Variants in DSCAM observed in about 807,000 individuals in gnomAD.
DSCAM encodes the protein cell adhesion molecule DSCAM.
Under a neutral mutation model 217.7 loss-of-function variants are expected in DSCAM, and 47 were observed. The ratio of observed to expected loss-of-function variants is 0.22; its 90% CI spans 0.17 to 0.28. The LOEUF (loss-of-function observed/expected upper bound fraction) is 0.28. Among genes scored for constraint, DSCAM ranks in the 10% least tolerant of loss-of-function variants. The probability of loss-of-function intolerance (pLI) is 1.00; values close to 1 mark genes in which losing one functional copy is unlikely to be tolerated. For missense variants in DSCAM, 2,080 were observed against 2,618.3 expected, an observed-to-expected ratio of 0.79 and a Z score of 4.49; for synonymous variants, 1,056 against 1,015.3, an observed-to-expected ratio of 1.04 and a Z score of -0.76.
At chr21:40,330,310 A>G (rs533420532) in intron 8 of DSCAM, among the ~76,000 whole-genome samples, 1 of 147,120 alleles carries the variant, frequency 6.8e-6, no homozygotes, top group Non-Finnish European at 1.5e-5. Context: ...TTTATATATA[A>G]TAAATTATAT....
chr21:40,441,418 G>A (rs967579498), intron 3 of DSCAM, among the ~76,000 whole-genome samples: 1 of 152,222 alleles, frequency 6.6e-6, no homozygotes, highest in East Asian at 1.9e-4. Context: ...TTGTGACTTA[G>A]TTATCCAAGA....
intron 5 of DSCAM, among the ~76,000 whole-genome samples, chr21:40,351,976 T>G (rs1382174086): frequency 6.6e-6 from 1 of 152,142 alleles, no homozygotes; most frequent in African/African-American, 2.4e-5. Context: ...AGGAATAGGT[T>G]TGTGCAGGGA....
intron 11 of DSCAM, among the ~76,000 whole-genome samples, chr21:40,231,388 G>A (rs1259654433): frequency 6.6e-6 from 1 of 152,072 alleles, no homozygotes; most frequent in Non-Finnish European, 1.5e-5. Context: ...GCCAATCTCT[G>A]TTGTTGTATC....
At chr21:40,503,472 A>G (rs2076185975) in intron 3 of DSCAM, among the ~76,000 whole-genome samples, 1 of 152,180 alleles carries the variant, frequency 6.6e-6, no homozygotes, top group Non-Finnish European at 1.5e-5. Context: ...CTTTATTAAC[A>G]TGCACTTATA....
chr21:40,645,743 A>T (rs2089938549), intron 3 of DSCAM, among the ~76,000 whole-genome samples: 1 of 152,192 alleles, frequency 6.6e-6, no homozygotes. Flanking sequence ...TGGGTCTAAA[A>T]AATCAAGTGG....
intron 9 of DSCAM, among the ~76,000 whole-genome samples, chr21:40,308,563 C>A (rs1027292583): frequency 6.6e-6 from 1 of 152,132 alleles, no homozygotes; most frequent in Non-Finnish European, 1.5e-5. Context: ...TCCTTCAATA[C>A]CCAGTAATCA....
Position 40,712,418 on chromosome 21 carries a change from G to T in DSCAM, c.44-3647C>A, listed in dbSNP as rs997294120. On this transcript the variant is annotated intron_variant, in intron 1 of 32. Transcript: ENST00000400454. ...GCGGAGCTTGCAGTGAGCCGAGATTGCGCCACTGCAGTCCGCAGTCCGACC... is the reference window on the plus strand; with the variant it reads ...GCGGAGCTTGCAGTGAGCCGAGATTTCGCCACTGCAGTCCGCAGTCCGACC... Among the ~76,000 whole-genome samples the T allele has an allele frequency of 2.3e-4, 32 of 140,388 alleles. 1 individual carries two copies. The highest frequency in any genetic ancestry group is 1.5e-4 in the Admixed American group (2 of 13,344). 92.1% of individuals were successfully genotyped at this position (140,388 alleles called of 152,430 possible). A position where few individuals can be genotyped will look rare whatever the true frequency, so the allele number is the denominator to read the frequency against.
chr21:40,475,955 G>A (rs533503933), intron 3 of DSCAM, among the ~76,000 whole-genome samples: 3 of 152,064 alleles, frequency 2.0e-5, no homozygotes, highest in South Asian at 2.1e-4. Context: ...TAGGACATTC[G>A]AACTATCTGT....
At chr21:40,322,932 C>A (rs1406653547) in intron 8 of DSCAM, among the ~76,000 whole-genome samples, 1 of 152,178 alleles carries the variant, frequency 6.6e-6, no homozygotes, top group South Asian at 2.1e-4. Flanking sequence ...TGACCAGATT[C>A]CTTTCAAGAA....
At chr21:40,810,946 G>C (rs2091832665) in intron 1 of DSCAM, among the ~76,000 whole-genome samples, 1 of 152,050 alleles carries the variant, frequency 6.6e-6, no homozygotes, top group South Asian at 2.1e-4. Context: ...TTTTCACTTG[G>C]GGTCATTGTA....
At chr21:40,343,865 T>C (rs1466127041) in intron 6 of DSCAM, among the ~76,000 whole-genome samples, 3 of 150,518 alleles carry the variant, frequency 2.0e-5, no homozygotes, top group Non-Finnish European at 3.0e-5. Context: ...CATTTTATTT[T>C]ATTTTTTATT....
chr21:40,679,247 C>G (rs528706669), intron 3 of DSCAM, among the ~76,000 whole-genome samples: 10 of 152,164 alleles, frequency 6.6e-5, no homozygotes, highest in Non-Finnish European at 1.3e-4. Context: ...GGAAAAGTTT[C>G]TTATTCAAGA....
chr21:40,089,452 C>T lies in DSCAM; in HGVS notation c.3851-2165G>A, dbSNP rs76908813. Among the ~76,000 whole-genome samples, 713 of 152,318 alleles carry T rather than the reference C, an allele frequency of 4.7e-3. 6 individuals are homozygous for T. Among genetic ancestry groups the T allele is most frequent in the African/African-American group, 0.017 (687 of 41,568 alleles). On this transcript the variant is annotated intron_variant, in intron 21 of 32. Coordinates refer to ENST00000400454, the MANE Select transcript of DSCAM (RefSeq NM_001389.5). ...GTCCCGTTTGTTCTCAGCCATGGGG[C>T]CAGGCTCTCTGTGCCTTCGTGTCCT... is the stretch of plus-strand genomic sequence containing the variant.
At chr21:40,028,724 C>T (rs991130607) in intron 32 of DSCAM, among the ~76,000 whole-genome samples, 1 of 152,214 alleles carries the variant, frequency 6.6e-6, no homozygotes, top group Non-Finnish European at 1.5e-5. Context: ...ACAGTGTGCG[C>T]ACCCACTGTC....
chr21:40,321,007 G>A (rs2074253602), intron 8 of DSCAM, among the ~76,000 whole-genome samples: 1 of 152,100 alleles, frequency 6.6e-6, no homozygotes. Flanking sequence ...TAATGAGGGT[G>A]GATATCACAT....
intron 3 of DSCAM, among the ~76,000 whole-genome samples, chr21:40,536,057 T>C (rs1017231043): frequency 2.0e-5 from 3 of 152,216 alleles, no homozygotes; most frequent in Admixed American, 6.5e-5. Context: ...TTACTTTACA[T>C]CACATCTCTG....
At chr21:40,269,646 C>T (rs930872483) in intron 11 of DSCAM, among the ~76,000 whole-genome samples, 10 of 152,168 alleles carry the variant, frequency 6.6e-5, no homozygotes, top group African/African-American at 2.4e-4. Flanking sequence ...GGGCTGGAGT[C>T]CCTCTGAAGT....
At chr21:40,484,468 G>A (rs2076008286) in intron 3 of DSCAM, among the ~76,000 whole-genome samples, 1 of 152,180 alleles carries the variant, frequency 6.6e-6, no homozygotes, top group Non-Finnish European at 1.5e-5. Flanking sequence ...ACAAATCTCT[G>A]TGGATAGAAT....
At chr21:40,723,505 C>A (rs1347928900) in intron 1 of DSCAM, among the ~76,000 whole-genome samples, 1 of 152,202 alleles carries the variant, frequency 6.6e-6, no homozygotes, top group African/African-American at 2.4e-5. Context: ...GTGCACCCCA[C>A]TCCATTGCAA....
Sources: gnomAD v4.1 joint callset for allele counts (sites outside exome capture counted in the v4.1 genomes callset) on GRCh38, gnomAD v4.1.1 for gene constraint, MANE v1.5 for transcripts, NCBI Gene and HGNC (gene_info 2026-07-23, HGNC 2026-07-21) for gene names.